FBXO31: variants seen among roughly 807,000 people sequenced by gnomAD.
FBXO31 encodes the protein F-box only protein 31.
Under a neutral mutation model 54.4 loss-of-function variants are expected in FBXO31, and 24 were observed. The observed-to-expected ratio is 0.44, with a 90% CI of 0.32 to 0.62. The LOEUF (loss-of-function observed/expected upper bound fraction) is 0.62. Ranked by LOEUF, FBXO31 falls within the 20% of genes least tolerant of loss-of-function variation. The pLI is 0.05. For missense variants in FBXO31, 665 were observed against 787.1 expected, an observed-to-expected ratio of 0.84 and a Z score of 1.86; for synonymous variants, 388 against 335.6, an observed-to-expected ratio of 1.16 and a Z score of -1.71.
chr16:87,379,661 A>C (rs1429013396), intron 1 of FBXO31, among the ~76,000 whole-genome samples: 1 of 152,154 alleles, frequency 6.6e-6, no homozygotes, highest in South Asian at 2.1e-4. Context: ...CATTTCATCC[A>C]TCAGCCAGGG....
At chr16:87,331,574 C>G (rs748252366) in intron 8 of FBXO31, 64 bp from the exon 9 acceptor site, 1 of 1,349,338 alleles carries the variant, frequency 7.4e-7, no homozygotes, top group African/African-American at 1.4e-5. Context: ...ACGCCACGTA[C>G]AGCATTCTGC....
Position 87,383,016 on chromosome 16 carries a change from G to T in FBXO31, c.340+389C>A, listed in dbSNP as rs943040335. ...GCTCGCCTTCAAGACAGGGGCAGAGGAGGCGGCCCCCAGGCGTCAGCTTAG... is the reference window on the plus strand; with the variant it reads ...GCTCGCCTTCAAGACAGGGGCAGAGTAGGCGGCCCCCAGGCGTCAGCTTAG... On this transcript the variant is annotated intron_variant, in intron 1 of 8. Transcript: ENST00000311635. The surrounding 1 kb of genome is among the most constrained non-coding windows in gnomAD (Gnocchi z 4.9). 6.6e-6 allele frequency among the ~76,000 whole-genome samples: 1 copy of T among 152,042 alleles called. No individual in the cohort carries two copies. The highest frequency in any genetic ancestry group is 2.4e-5 in the African/African-American group (1 of 41,434).
intron 5 of FBXO31, among the ~76,000 whole-genome samples, chr16:87,337,581 C>T (rs1176091321): frequency 6.6e-6 from 1 of 152,224 alleles, no homozygotes; most frequent in African/African-American, 2.4e-5. Context: ...AGGCCTCACA[C>T]GGGCACCAAC....
intron 1 of FBXO31, among the ~76,000 whole-genome samples, chr16:87,380,261 G>A (rs1907017063): frequency 7.6e-6 from 1 of 131,144 alleles, no homozygotes; most frequent in African/African-American, 2.9e-5. Context: ...ATGCACCACT[G>A]CACTCCAGCC....
chr16:87,350,521 G>C lies in FBXO31; in HGVS notation c.413-3271C>G, dbSNP rs116092450. ...TGATCAGGAACCATAAACACACACT[G>C]ATCTTGACAATGAAATGCACACTGA... On this transcript the variant is annotated intron_variant, in intron 2 of 8. Transcript: ENST00000311635. 1.5e-3 allele frequency among the ~76,000 whole-genome samples: 224 copies of C among 152,310 alleles called. 1 individual carries two copies. The highest frequency in any genetic ancestry group is 5.0e-3 in the African/African-American group (206 of 41,568).
chr16:87,335,941 G>C lies in FBXO31; in HGVS notation c.842+214C>G, dbSNP rs1038254438. Among the ~76,000 whole-genome samples, 1 of 152,058 alleles carries C rather than the reference G, an allele frequency of 6.6e-6. No individual in the cohort carries two copies. Among genetic ancestry groups the C allele is most frequent in the African/African-American group, 2.4e-5 (1 of 41,392 alleles). On this transcript the variant is annotated intron_variant, in intron 6 of 8. Transcript: ENST00000311635. The surrounding 1 kb of genome is among the most constrained non-coding windows in gnomAD (Gnocchi z 5.7). ...TGCACTCCCAGCACCCACAGAGAGA[G>C]GGGCTGTGTTCCAAGTACCCACAGA...
intron 1 of FBXO31, among the ~76,000 whole-genome samples, chr16:87,368,534 G>A (rs529928576): frequency 7.9e-5 from 12 of 151,966 alleles, no homozygotes; most frequent in African/African-American, 2.9e-4. Context: ...CACGACCTGT[G>A]CTGCCTACCC....
chr16:87,373,571 C>T (rs905078216), intron 1 of FBXO31, among the ~76,000 whole-genome samples: 1 of 150,166 alleles, frequency 6.7e-6, no homozygotes, highest in African/African-American at 2.4e-5. Flanking sequence ...ACTTTGTCAT[C>T]CAGGCTGGAG....
intron 3 of FBXO31, 80 bp downstream of exon 3, chr16:87,347,094 A>G: frequency 3.2e-6 from 4 of 1,250,466 alleles, no homozygotes; most frequent in Non-Finnish European, 4.7e-6. Context: ...GTACCCAGGT[A>G]GAAGAGGCCC....
upstream of FBXO31, among the ~76,000 whole-genome samples, chr16:87,387,868 G>T (rs1163005006): frequency 1.3e-5 from 2 of 152,110 alleles, no homozygotes; most frequent in Non-Finnish European, 1.5e-5. Context: ...CTCAACATCC[G>T]GATGTGAAAA....
chr16:87,336,399 G>A lies in FBXO31; in HGVS notation c.733-135C>T, dbSNP rs926556548. On this transcript the variant is annotated intron_variant, in intron 5 of 8. Transcript: ENST00000311635. This position sits in a 1 kb window ranked among gnomAD's most constrained non-coding sequence, Gnocchi z 6.5. ...CACCTGCAGGGCCCTCTTGGTGGGG[G>A]AGGATGGACTTGGCGCTGGGAAGAG... 5.5e-6 allele frequency: 4 copies of A among 722,508 alleles called. No homozygotes were observed. The highest frequency in any genetic ancestry group is 5.3e-5 in the African/African-American group (3 of 56,766). 44.8% of individuals were successfully genotyped at this position (722,508 alleles called of 1,614,324 possible).
intron 1 of FBXO31, chr16:87,367,738 G>C (rs1056051203): frequency 2.0e-5 from 3 of 152,180 alleles, no homozygotes; most frequent in African/African-American, 7.2e-5. Context: ...CTGCAGACAA[G>C]ATGCTCTGAT....
At chr16:87,378,191 A>C (rs956359630) in intron 1 of FBXO31, among the ~76,000 whole-genome samples, 1 of 152,046 alleles carries the variant, frequency 6.6e-6, no homozygotes, top group Non-Finnish European at 1.5e-5. Context: ...CCAGAAATCT[A>C]TCCAGATTAC....
Position 87,358,827 on chromosome 16 carries a change from G to A in FBXO31, c.412+1468C>T, listed in dbSNP as rs908635080. ...GCTCACTGGGGCTCAGGAGGTGGGA[G>A]GGCAGGTGTCCTGGCAGGTGAGCAT... On this transcript the variant is annotated intron_variant, in intron 2 of 8. Transcript: ENST00000311635. The surrounding 1 kb of genome is among the most constrained non-coding windows in gnomAD (Gnocchi z 4.0). 2.6e-5 allele frequency among the ~76,000 whole-genome samples: 4 copies of A among 152,060 alleles called. No homozygotes were observed. Among genetic ancestry groups the A allele is most frequent in the African/African-American group, 7.2e-5 (3 of 41,426 alleles).
intron 1 of FBXO31, among the ~76,000 whole-genome samples, chr16:87,378,115 C>T (rs1906909787): frequency 6.6e-6 from 1 of 151,056 alleles, no homozygotes; most frequent in South Asian, 2.1e-4. Context: ...GCCAAGATAG[C>T]GCCATTGCAC....
At chr16:87,343,869 AG>A in intron 3 of FBXO31, 104 bp from the exon 4 acceptor site, 1 of 1,275,866 alleles carries the variant, frequency 7.8e-7, no homozygotes, top group East Asian at 2.4e-5. Context: ...AGCTCCTGCC[AG>A]ACCAGCACAT....
upstream of FBXO31, among the ~76,000 whole-genome samples, chr16:87,384,404 G>A (rs1907253018): frequency 6.6e-6 from 1 of 152,180 alleles, no homozygotes; most frequent in South Asian, 2.1e-4. Context: ...GGGCTTGGAG[G>A]GGCGGCGGCC....
intron 2 of FBXO31, among the ~76,000 whole-genome samples, chr16:87,355,164 C>T (rs968490980): frequency 1.3e-5 from 2 of 152,100 alleles, no homozygotes; most frequent in Non-Finnish European, 2.9e-5. Flanking sequence ...TTAAGACCAG[C>T]CTGGGCAATA....
chr16:87,343,360 A>T (rs1276523877), intron 4 of FBXO31, among the ~76,000 whole-genome samples: 1 of 152,274 alleles, frequency 6.6e-6, no homozygotes, highest in African/African-American at 2.4e-5. Flanking sequence ...TGAAGTTGCA[A>T]AGAAACAGCG....
Sources: gnomAD v4.1 joint callset for allele counts (sites outside exome capture counted in the v4.1 genomes callset) on GRCh38, gnomAD v4.1.1 for gene constraint, Gnocchi (gnomAD v3.1) non-coding constraint, MANE v1.5 for transcripts, NCBI Gene and HGNC (gene_info 2026-07-23, HGNC 2026-07-21) for gene names.